The following RYR2 variants were observed in gnomAD, a reference collection of about 807,000 sequenced individuals.
RYR2 encodes ryanodine receptor 2.
RYR2 carries 227 observed loss-of-function variants against 601.1 expected under a neutral mutation model. The ratio of observed to expected loss-of-function variants is 0.38; its 90% CI spans 0.34 to 0.42. RYR2 has a LOEUF of 0.42. Among genes scored for constraint, RYR2 ranks in the 10% least tolerant of loss-of-function variants. The pLI is 1.00. For synonymous variants in RYR2, 2,223 were observed against 2,175.1 expected (o/e 1.02, Z -0.61); for missense variants, 4,646 against 6,156.5 (o/e 0.75, Z 8.21).
intron 4 of RYR2, among the ~76,000 whole-genome samples, chr1:237,362,858 G>A (rs1202029851): frequency 6.6e-6 from 1 of 152,042 alleles, no homozygotes; most frequent in African/African-American, 2.4e-5. Context: ...CTATTTTTCA[G>A]TATTCATTCT....
intron 80 of RYR2, among the ~76,000 whole-genome samples, chr1:237,755,778 G>A (rs1316731762): frequency 1.3e-5 from 2 of 152,112 alleles, no homozygotes; most frequent in African/African-American, 2.4e-5. Flanking sequence ...CCACTACTTC[G>A]TTGAAGCCTA....
intron 17 of RYR2, among the ~76,000 whole-genome samples, chr1:237,474,308 C>T (rs1285392858): frequency 3.3e-5 from 5 of 149,374 alleles, no homozygotes; most frequent in African/African-American, 4.9e-5. Context: ...CACACACACA[C>T]ATACATACAT....
At chr1:237,156,914 G>A (rs1336822346) in intron 1 of RYR2, among the ~76,000 whole-genome samples, 1 of 152,178 alleles carries the variant, frequency 6.6e-6, no homozygotes, top group Non-Finnish European at 1.5e-5. Flanking sequence ...CAGAGAAAGG[G>A]GAATGCTTGC....
At chr1:237,356,106 T>G (rs1389884686) in intron 4 of RYR2, 121 bp downstream of exon 4, 5 of 817,182 alleles carry the variant, frequency 6.1e-6, no homozygotes, top group Non-Finnish European at 1.0e-5. Context: ...AACTAACTGC[T>G]TCGTTGTAAT....
intron 29 of RYR2, among the ~76,000 whole-genome samples, chr1:237,588,900 A>C (rs982804843): frequency 1.7e-4 from 26 of 152,078 alleles, no homozygotes; most frequent in African/African-American, 5.8e-4. Context: ...GTGAAAAAAA[A>C]AATCTCATCT....
At chr1:237,413,680 C>A (rs1322967371) in intron 10 of RYR2, among the ~76,000 whole-genome samples, 1 of 152,038 alleles carries the variant, frequency 6.6e-6, no homozygotes, top group Admixed American at 6.6e-5. Context: ...CACATATGTA[C>A]ATATATGATA....
At chr1:237,390,661 G>A (rs1702302190) in intron 10 of RYR2, among the ~76,000 whole-genome samples, 1 of 152,118 alleles carries the variant, frequency 6.6e-6, no homozygotes. Flanking sequence ...GGATCCAAGA[G>A]GATCCTTTCG....
intron 1 of RYR2, among the ~76,000 whole-genome samples, chr1:237,258,919 C>T (rs1237780870): frequency 6.6e-6 from 1 of 152,052 alleles, no homozygotes; most frequent in Non-Finnish European, 1.5e-5. Flanking sequence ...ACTAGAAAAG[C>T]ATTGATGAAA....
At position 237,312,401 on chromosome 1, in the gene RYR2, T is replaced by A. The variant is rs76297585; in HGVS notation, c.169-18477T>A. On this transcript the variant is annotated intron_variant, in intron 2 of 104. Coordinates refer to ENST00000366574, the MANE Select transcript of RYR2 (RefSeq NM_001035.3). ...TGTGGACTGTCTTCTTGTAATCTTG[T>A]GGCCATGTACTTCAAATGATGAATT... Among the ~76,000 whole-genome samples, 689 of 152,330 alleles carry A rather than the reference T, an allele frequency of 4.5e-3. 8 individuals carry two copies. Among genetic ancestry groups the A allele is most frequent in the African/African-American group, 0.016 (648 of 41,566 alleles).
intron 63 of RYR2, among the ~76,000 whole-genome samples, chr1:237,696,008 TA>T (rs1687393930): frequency 6.6e-6 from 1 of 152,168 alleles, no homozygotes; most frequent in Non-Finnish European, 1.5e-5. Flanking sequence ...CTACTCTTCT[TA>T]CATCCCAGAG....
intron 27 of RYR2, among the ~76,000 whole-genome samples, chr1:237,558,651 A>G (rs1341321845): frequency 6.6e-6 from 1 of 152,138 alleles, no homozygotes; most frequent in Non-Finnish European, 1.5e-5. Flanking sequence ...AATGTTTTTC[A>G]TCAAATTTGG....
chr1:237,787,825 CCT>C (rs1657834855), intron 91 of RYR2, 161 bp from the exon 92 acceptor site: 2 of 676,058 alleles, frequency 3.0e-6, no homozygotes, highest in African/African-American at 1.8e-5. Flanking sequence ...AAATCCTACC[CCT>C]GATTCTAAAA....
chr1:237,707,229 C>T lies in RYR2; in HGVS notation c.9861C>T (p.Asn3287=). Residue 3287 remains asparagine, a synonymous_variant, in exon 68 of 105, where the codon AAC becomes AAT. Transcript: ENST00000366574. Reference sequence around the variant, plus strand: ...ACATATTGAAAATCATATATAATAACTTGGGGATTGATGAGGGAGCCTGGA... The same window carrying T: ...ACATATTGAAAATCATATATAATAATTTGGGGATTGATGAGGGAGCCTGGA... ...LGNILKIIYN[N]LGIDEGAWMK... 1 of 1,576,272 alleles carries T rather than the reference C, an allele frequency of 6.3e-7. No individual in the cohort carries two copies. The highest frequency in any genetic ancestry group is 2.3e-5 in the East Asian group (1 of 44,136).
intron 1 of RYR2, among the ~76,000 whole-genome samples, chr1:237,174,599 C>A (rs1485525261): frequency 6.6e-6 from 1 of 152,146 alleles, no homozygotes; most frequent in Non-Finnish European, 1.5e-5. Flanking sequence ...GAGTGAGTGG[C>A]CATTGCCTAC....
chr1:237,126,253 T>A (rs1374787617), intron 1 of RYR2, among the ~76,000 whole-genome samples: 4 of 132,962 alleles, frequency 3.0e-5, no homozygotes, highest in African/African-American at 1.1e-4. Flanking sequence ...AAAAAAAAAA[T>A]TGAATAGTTG....
chr1:237,354,928 T>TCA (rs1699164591), intron 3 of RYR2, among the ~76,000 whole-genome samples: 6 of 152,120 alleles, frequency 3.9e-5, no homozygotes, highest in African/African-American at 1.2e-4. Flanking sequence ...ATTCTGCCTG[T>TCA]TTATTTAGGC....
chr1:237,800,278 A>G (rs993947878), intron 97 of RYR2, among the ~76,000 whole-genome samples: 7 of 152,066 alleles, frequency 4.6e-5, no homozygotes, highest in Non-Finnish European at 8.8e-5. Flanking sequence ...AAACTACTAC[A>G]TTTTTTCCCC....
Position 237,507,153 on chromosome 1 carries a change from G to A in RYR2, c.2718+339G>A, listed in dbSNP as rs187027025. On this transcript the variant is annotated intron_variant, in intron 23 of 104. Coordinates refer to ENST00000366574, the MANE Select transcript of RYR2 (RefSeq NM_001035.3). ...CCACTTAAAAGATCTCAGTGAAATT[G>A]AAAGTGAAAACTGAAAATGAAAAGA... is the stretch of plus-strand genomic sequence containing the variant. Among the ~76,000 whole-genome samples the A allele has an allele frequency of 1.9e-4, 29 of 152,304 alleles. No homozygotes were observed. The East Asian group carries it at 5.2e-3, about 27-fold the overall frequency.
In RYR2 at chr1:237,456,747, G is replaced by T; in HGVS notation, c.1612+12G>T. 6.2e-7 allele frequency: 1 copy of T among 1,613,118 alleles called. No individual in the cohort carries two copies. The highest frequency in any genetic ancestry group is 8.5e-7 in the Non-Finnish European group (1 of 1,179,472). ...GTATGAGTTGCTGGGTAAGAAGCAT[G>T]ATTGGGTTCATAGCAACAGAGTTAT... On this transcript the variant is annotated intron_variant, in intron 16 of 104. Coordinates refer to ENST00000366574, the MANE Select transcript of RYR2 (RefSeq NM_001035.3).
Sources: gnomAD v4.1 joint callset for allele counts (sites outside exome capture counted in the v4.1 genomes callset) on GRCh38, gnomAD v4.1.1 for gene constraint, MANE v1.5 for transcripts, NCBI Gene and HGNC (gene_info 2026-07-23, HGNC 2026-07-21) for gene names.